Variants in RIC1 observed in about 807,000 individuals in gnomAD.
The protein encoded by RIC1 is guanine nucleotide exchange factor subunit RIC1.
RIC1 carries 88 observed loss-of-function variants against 169.0 expected under a neutral mutation model. The ratio of observed to expected loss-of-function variants is 0.52; its 90% CI spans 0.44 to 0.62. RIC1 has a LOEUF of 0.62. Among genes scored for constraint, RIC1 ranks in the 20% least tolerant of loss-of-function variants. The pLI is 0.00. For missense variants in RIC1, 1,877 were observed against 1,725.5 expected (o/e 1.09, Z -1.56); for synonymous variants, 790 against 601.5 (o/e 1.31, Z -4.59).
intron 6 of RIC1, 49 bp from the exon 7 acceptor site, chr9:5,732,339 A>G: frequency 7.2e-7 from 1 of 1,381,668 alleles, no homozygotes; most frequent in Non-Finnish European, 1.0e-6. Context: ...TGACTACGGT[A>G]AATTTGGAGA....
chr9:5,664,970 G>A (rs527320341), intron 2 of RIC1, among the ~76,000 whole-genome samples: 30 of 152,154 alleles, frequency 2.0e-4, no homozygotes, highest in Non-Finnish European at 4.1e-4. Context: ...GGTCGGTTAT[G>A]TTGCTCTCTA....
At chr9:5,666,142 G>C (rs1040891318) in intron 2 of RIC1, among the ~76,000 whole-genome samples, 2 of 152,144 alleles carry the variant, frequency 1.3e-5, no homozygotes, top group African/African-American at 2.4e-5. Context: ...CAGCTGGGAA[G>C]ACCCACTACC....
intron 2 of RIC1, among the ~76,000 whole-genome samples, chr9:5,681,627 G>C (rs1217126275): frequency 1.3e-5 from 2 of 152,184 alleles, no homozygotes; most frequent in East Asian, 3.8e-4. Flanking sequence ...CTGTTGATTT[G>C]GGGTGGAGAG....
intron 2 of RIC1, among the ~76,000 whole-genome samples, chr9:5,678,903 A>C (rs576818801): frequency 6.6e-6 from 1 of 152,006 alleles, no homozygotes; most frequent in East Asian, 1.9e-4. Flanking sequence ...GGTGTTTTAG[A>C]CATGAAGTCC....
At chr9:5,750,810 C>T (rs1321573464) in intron 12 of RIC1, among the ~76,000 whole-genome samples, 1 of 151,584 alleles carries the variant, frequency 6.6e-6, no homozygotes, top group Non-Finnish European at 1.5e-5. Flanking sequence ...TCTGCCATTC[C>T]CTTTTATCAA....
At chr9:5,758,567 G>A (rs1367273902) in intron 17 of RIC1, among the ~76,000 whole-genome samples, 1 of 151,990 alleles carries the variant, frequency 6.6e-6, no homozygotes, top group Non-Finnish European at 1.5e-5. Context: ...TCCACATGAT[G>A]ACCCGTAAAA....
intron 1 of RIC1, among the ~76,000 whole-genome samples, chr9:5,631,763 A>T (rs867214787): frequency 6.6e-6 from 1 of 151,590 alleles, no homozygotes; most frequent in South Asian, 2.1e-4. Context: ...GGTGAGTGGG[A>T]TACATATGCT....
At chr9:5,697,829 C>T (rs748827657) in intron 3 of RIC1, among the ~76,000 whole-genome samples, 2 of 152,166 alleles carry the variant, frequency 1.3e-5, no homozygotes, top group Non-Finnish European at 2.9e-5. Flanking sequence ...ACTTGCTATA[C>T]ACTGCTACTG....
intron 25 of RIC1, 65 bp downstream of exon 25, chr9:5,773,145 A>C: frequency 1.1e-6 from 1 of 897,086 alleles, no homozygotes; most frequent in Non-Finnish European, 1.6e-6. Context: ...GTCCTTTCAC[A>C]TTAAGGCCTA....
At chr9:5,758,741 T>TG (rs1491272228) in intron 17 of RIC1, among the ~76,000 whole-genome samples, 382 of 120,774 alleles carry the variant, frequency 3.2e-3, no homozygotes, top group African/African-American at 0.014. Context: ...TTTTTTTTTT[T>TG]GTCCTTTTTT....
intron 12 of RIC1, among the ~76,000 whole-genome samples, chr9:5,750,936 A>G (rs1395478759): frequency 2.0e-5 from 3 of 151,890 alleles, no homozygotes; most frequent in Non-Finnish European, 4.4e-5. Flanking sequence ...GCTTCATTCT[A>G]AACTTAACAC....
intron 1 of RIC1, among the ~76,000 whole-genome samples, chr9:5,638,404 A>G (rs1384867301): frequency 1.3e-5 from 2 of 152,182 alleles, no homozygotes; most frequent in Non-Finnish European, 2.9e-5. Context: ...TTTTCAGAAC[A>G]GTTTCAGTAG....
intron 1 of RIC1, among the ~76,000 whole-genome samples, chr9:5,650,587 A>T (rs1265271304): frequency 6.6e-6 from 1 of 151,986 alleles, no homozygotes; most frequent in Non-Finnish European, 1.5e-5. Flanking sequence ...CTTTGCTCCA[A>T]GCAGTGTCAG....
chr9:5,668,895 G>A (rs1819935519), intron 2 of RIC1, among the ~76,000 whole-genome samples: 1 of 152,068 alleles, frequency 6.6e-6, no homozygotes, highest in African/African-American at 2.4e-5. Flanking sequence ...GGCTTCCTTA[G>A]GGATGGTTTC....
chr9:5,629,679 A>G (rs1360614825), intron 1 of RIC1, among the ~76,000 whole-genome samples: 1 of 151,452 alleles, frequency 6.6e-6, no homozygotes, highest in Non-Finnish European at 1.5e-5. Flanking sequence ...GCTGCCGAAA[A>G]TCCCTGAGCC....
At chr9:5,674,412 AAGCC>A (rs1257327170) in intron 2 of RIC1, among the ~76,000 whole-genome samples, 1 of 152,200 alleles carries the variant, frequency 6.6e-6, no homozygotes, top group African/African-American at 2.4e-5. Context: ...TATTTAATAT[AAGCC>A]AGATTACTAT....
chr9:5,757,246 A>G, intron 16 of RIC1, 67 bp from the exon 17 acceptor site: 1 of 1,525,764 alleles, frequency 6.6e-7, no homozygotes, highest in Non-Finnish European at 9.1e-7. Flanking sequence ...TACTATTACT[A>G]GTGGAAAAGA....
chr9:5,648,063 A>C (rs926712489), intron 1 of RIC1, among the ~76,000 whole-genome samples: 1 of 150,754 alleles, frequency 6.6e-6, no homozygotes, highest in African/African-American at 2.4e-5. Flanking sequence ...GCTTACTGCA[A>C]CCGCCACCTC....
chr9:5,706,274 A>T (rs1324397347), intron 3 of RIC1, among the ~76,000 whole-genome samples: 1 of 152,134 alleles, frequency 6.6e-6, no homozygotes, highest in African/African-American at 2.4e-5. Context: ...CCTGACCAAC[A>T]TGGTGAAACT....
Sources: gnomAD v4.1 joint callset for allele counts (sites outside exome capture counted in the v4.1 genomes callset) on GRCh38, gnomAD v4.1.1 for gene constraint, MANE v1.5 for transcripts, NCBI Gene and HGNC (gene_info 2026-07-23, HGNC 2026-07-21) for gene names.